EHF: variants seen among roughly 807,000 people sequenced by gnomAD.
The protein encoded by EHF is ESE3 transcription factor.
A neutral mutation model predicts 45.1 loss-of-function variants in EHF; 14 were observed. The observed-to-expected ratio is 0.31, with a 90% CI of 0.21 to 0.49. The LOEUF (loss-of-function observed/expected upper bound fraction) is 0.49. Ranked by LOEUF, EHF falls within the 20% of genes least tolerant of loss-of-function variation. EHF has a pLI of 0.99. For missense variants in EHF, 282 were observed against 371.4 expected, an observed-to-expected ratio of 0.76 and a Z score of 1.98; for synonymous variants, 136 against 131.8, an observed-to-expected ratio of 1.03 and a Z score of -0.22.
In EHF at chr11:34,646,545, G is replaced by A; in HGVS notation, c.204G>A (p.Leu68=). The change falls in exon 3 of 9, where the codon CTG becomes CTA. Residue 68 remains leucine (L), a synonymous_variant. Coordinates refer to ENST00000257831, the MANE Select transcript of EHF (RefSeq NM_012153.6). ...AGCACCTCCTGGACACCAACCAGCTGGATGCCAATTGTATCCCTTTCCAAG... is the reference window on the plus strand; with the variant it reads ...AGCACCTCCTGGACACCAACCAGCTAGATGCCAATTGTATCCCTTTCCAAG... The part of the protein sequence containing the change: ...WLQHLLDTNQ[L]DANCIPFQEF... 6.2e-7 allele frequency: 1 copy of A among 1,613,932 alleles called. No homozygotes were observed. Among genetic ancestry groups the A allele is most frequent in the Non-Finnish European group, 8.5e-7 (1 of 1,179,894 alleles).
In EHF at chr11:34,662,485, C is replaced by A. The variant is rs565244660; in HGVS notation, c.*3554C>A. ...GTAATAAACCTTTGACCTGTTTTAA[C>A]CAATGAAGATTATGAATATGTTAAT... is the stretch of plus-strand genomic sequence containing the variant. On this transcript the variant is annotated 3_prime_UTR_variant, in exon 9 of 9. Transcript: ENST00000257831. Among the ~76,000 whole-genome samples, 11 of 152,048 alleles carry A rather than the reference C, an allele frequency of 7.2e-5. No homozygotes were observed. Among genetic ancestry groups the A allele is most frequent in the Non-Finnish European group, 1.3e-4 (9 of 67,972 alleles).
Position 34,659,884 on chromosome 11 carries a change from C to T in EHF, c.*953C>T, listed in dbSNP as rs749050020. On this transcript the variant is annotated 3_prime_UTR_variant, in exon 9 of 9. Coordinates refer to ENST00000257831, the MANE Select transcript of EHF (RefSeq NM_012153.6). ...TGCATTGTAAGATGTTCAGCAGTATCCACTCATGGTCTCTAACCACTTGAC... is the reference window on the plus strand; with the variant it reads ...TGCATTGTAAGATGTTCAGCAGTATTCACTCATGGTCTCTAACCACTTGAC... 6.6e-6 allele frequency: 1 copy of T among 152,068 alleles called. No individual in the cohort carries two copies. The highest frequency in any genetic ancestry group is 2.1e-4 in the South Asian group (1 of 4,820). The allele number at this position is 152,068 out of a possible 1,614,324, so 9.4% of individuals were successfully genotyped here. A position where few individuals can be genotyped will look rare whatever the true frequency, so the allele number is the denominator to read the frequency against.
chr11:34,631,130 C>G (rs995078821), intron 1 of EHF, among the ~76,000 whole-genome samples: 3 of 152,168 alleles, frequency 2.0e-5, no homozygotes, highest in Non-Finnish European at 4.4e-5. Context: ...CTCCTGGGTT[C>G]AAGTGATTCT....
intron 8 of EHF, 39 bp downstream of exon 8, chr11:34,658,767 C>G: frequency 6.2e-7 from 1 of 1,608,162 alleles, no homozygotes; most frequent in Non-Finnish European, 8.5e-7. Flanking sequence ...AAAGGCTGTA[C>G]GACCCATTAT....
At chr11:34,622,610 A>C (rs750992432) in intron 1 of EHF, among the ~76,000 whole-genome samples, 59 of 152,220 alleles carry the variant, frequency 3.9e-4, no homozygotes, top group Non-Finnish European at 5.0e-4. Flanking sequence ...GGATGACTTT[A>C]ATAGCTGCAT....
intron 2 of EHF, among the ~76,000 whole-genome samples, chr11:34,644,226 C>T (rs1565035598): frequency 6.6e-6 from 1 of 152,132 alleles, no homozygotes. Flanking sequence ...GTTGGTGCCT[C>T]TTGTTGTCAA....
chr11:34,652,865 G>C (rs1409648705), intron 6 of EHF, among the ~76,000 whole-genome samples: 1 of 152,212 alleles, frequency 6.6e-6, no homozygotes, highest in African/African-American at 2.4e-5. Context: ...CTGGAATTGA[G>C]ATTAAGAGCT....
Position 34,662,239 on chromosome 11 carries a change from G to A in EHF, c.*3308G>A, listed in dbSNP as rs1363652151. Among the ~76,000 whole-genome samples the A allele has an allele frequency of 1.3e-5, 2 of 152,062 alleles. No homozygotes were observed. Among genetic ancestry groups the A allele is most frequent in the Non-Finnish European group, 2.9e-5 (2 of 68,000 alleles). On this transcript the variant is annotated 3_prime_UTR_variant, in exon 9 of 9. Transcript: ENST00000257831. ...GATTGGGAGACCATATCTATAATTGGGATGTGAATCATTTCTTCAGTGGAA... is the reference window on the plus strand; with the variant it reads ...GATTGGGAGACCATATCTATAATTGAGATGTGAATCATTTCTTCAGTGGAA...
In EHF at chr11:34,646,693, C is replaced by T. The variant is rs140921769; in HGVS notation, c.343+9C>T. 1.0e-4 allele frequency: 161 copies of T among 1,606,548 alleles called. 2 individuals carry two copies. In the African/African-American group the frequency reaches 2.1e-3, roughly 21 times the overall value. ...GCATCTGAAGTGGAACGGTGACTCTCTCTTTCTGTGTCTCTCCCTACCCTG... is the reference window on the plus strand; with the variant it reads ...GCATCTGAAGTGGAACGGTGACTCTTTCTTTCTGTGTCTCTCCCTACCCTG... On this transcript the variant is annotated intron_variant, in intron 3 of 8. Coordinates refer to ENST00000257831, the MANE Select transcript of EHF (RefSeq NM_012153.6).
chr11:34,636,780 C>T (rs1853453844), intron 1 of EHF, among the ~76,000 whole-genome samples: 1 of 152,188 alleles, frequency 6.6e-6, no homozygotes, highest in Non-Finnish European at 1.5e-5. Flanking sequence ...CGCCTGTAAT[C>T]CCAGCACTTT....
intron 4 of EHF, among the ~76,000 whole-genome samples, chr11:34,650,771 T>C (rs1855075915): frequency 6.6e-6 from 1 of 152,150 alleles, no homozygotes; most frequent in Non-Finnish European, 1.5e-5. Context: ...GGGAGTTCCC[T>C]TTGAATCTGA....
intron 3 of EHF, among the ~76,000 whole-genome samples, chr11:34,647,095 AC>A (rs1565039097): frequency 1.4e-5 from 2 of 138,978 alleles, no homozygotes; most frequent in East Asian, 4.4e-4. Context: ...CCCCCCCCAC[AC>A]ACACACACAA....
chr11:34,651,790 A>T lies in EHF; in HGVS notation c.529A>T (p.Ser177Cys). 6.2e-7 allele frequency: 1 copy of T among 1,613,994 alleles called. No homozygotes were observed. Among genetic ancestry groups the T allele is most frequent in the East Asian group, 2.2e-5 (1 of 44,880 alleles). Reference sequence around the variant, plus strand: ...GGCTCAGATCTCCATGACAACCACCAGTCACCTTCCTGTTGGTAAGCTGTC... The same window carrying T: ...GGCTCAGATCTCCATGACAACCACCTGTCACCTTCCTGTTGGTAAGCTGTC... Reference protein sequence around the residue: ...CRAQISMTTTSHLPVAESPDM... With the variant: ...CRAQISMTTTCHLPVAESPDM... Residue 177 changes from serine to cysteine, a missense_variant, in exon 6 of 9, where the codon AGT becomes TGT. Physicochemically the swap from Ser to Cys is moderately radical, Grantham distance 112 (BLOSUM62 -1). Transcript: ENST00000257831.
chr11:34,628,123 A>C (rs1852535916), intron 1 of EHF, among the ~76,000 whole-genome samples: 1 of 152,116 alleles, frequency 6.6e-6, no homozygotes, highest in African/African-American at 2.4e-5. Context: ...CTGTAATCCC[A>C]GCTACTTGGG....
chr11:34,649,774 C>T (rs758670326), intron 4 of EHF, among the ~76,000 whole-genome samples: 6 of 152,204 alleles, frequency 3.9e-5, no homozygotes, highest in Non-Finnish European at 5.9e-5. Context: ...GCTCCTAAGT[C>T]ACTCCCCATG....
chr11:34,652,947 T>C (rs1855319799), intron 6 of EHF, among the ~76,000 whole-genome samples: 1 of 152,168 alleles, frequency 6.6e-6, no homozygotes, highest in Non-Finnish European at 1.5e-5. Flanking sequence ...GAGGTATTTG[T>C]TAAAATTAGG....
intron 1 of EHF, among the ~76,000 whole-genome samples, chr11:34,629,156 T>C (rs7481024): frequency 0.089 from 13,617 of 152,202 alleles, 1,751 homozygotes; most frequent in African/African-American, 0.28. Context: ...GATGTCGTTT[T>C]TGAGTTAGTG....
intron 2 of EHF, among the ~76,000 whole-genome samples, chr11:34,644,362 G>A (rs991180279): frequency 1.3e-5 from 2 of 152,208 alleles, no homozygotes; most frequent in Non-Finnish European, 2.9e-5. Flanking sequence ...AAAATTGGGG[G>A]AAATGGAAAG....
chr11:34,633,227 G>A (rs1487660924), intron 1 of EHF, among the ~76,000 whole-genome samples: 4 of 152,178 alleles, frequency 2.6e-5, no homozygotes, highest in African/African-American at 7.2e-5. Flanking sequence ...ATAGAACTAA[G>A]CAATTCCCTC....
Sources: gnomAD v4.1 joint callset for allele counts (sites outside exome capture counted in the v4.1 genomes callset) on GRCh38, gnomAD v4.1.1 for gene constraint, MANE v1.5 for transcripts, NCBI Gene and HGNC (gene_info 2026-07-23, HGNC 2026-07-21) for gene names.